DIS3L2: variants seen among roughly 807,000 people sequenced by gnomAD.
DIS3L2 encodes the protein DIS3 like 3'-5' exoribonuclease 2.
A neutral mutation model predicts 97.5 loss-of-function variants in DIS3L2; 34 were observed. The observed-to-expected ratio is 0.35, with a 90% CI of 0.27 to 0.46. DIS3L2 has a LOEUF of 0.46. Ranked by LOEUF, DIS3L2 falls within the 20% of genes least tolerant of loss-of-function variation. The pLI, the probability that DIS3L2 is intolerant of heterozygous loss-of-function variation, is 1.00. For missense variants in DIS3L2, 1,038 were observed against 1,146.0 expected, an observed-to-expected ratio of 0.91 and a Z score of 1.36; for synonymous variants, 435 against 445.2, an observed-to-expected ratio of 0.98 and a Z score of 0.29.
At chr2:231,985,972 AC>A (rs796530447) in intron 1 of DIS3L2, among the ~76,000 whole-genome samples, 15 of 152,320 alleles carry the variant, frequency 9.8e-5, no homozygotes, top group African/African-American at 3.6e-4. Flanking sequence ...TGCGTCTAGA[AC>A]AAGTCGGGTA....
intron 12 of DIS3L2, among the ~76,000 whole-genome samples, chr2:232,252,461 G>T (rs974987277): frequency 4.6e-5 from 7 of 152,296 alleles, no homozygotes; most frequent in African/African-American, 1.7e-4. Context: ...GGATCCTCTC[G>T]TGGGCTTCTA....
intron 1 of DIS3L2, among the ~76,000 whole-genome samples, chr2:231,981,425 C>A (rs1484623145): frequency 6.6e-6 from 1 of 151,070 alleles, no homozygotes; most frequent in East Asian, 1.9e-4. Flanking sequence ...TTTAGATGTT[C>A]TAGATAGTCA....
intron 6 of DIS3L2, among the ~76,000 whole-genome samples, chr2:232,117,647 A>G (rs911092352): frequency 6.6e-6 from 1 of 151,846 alleles, no homozygotes; most frequent in African/African-American, 2.4e-5. Context: ...TGCCTCTCCA[A>G]CCTTTGCTCT....
At chr2:232,197,694 C>T (rs767859694) in intron 9 of DIS3L2, among the ~76,000 whole-genome samples, 12 of 152,048 alleles carry the variant, frequency 7.9e-5, no homozygotes, top group Admixed American at 2.6e-4. Context: ...TCTGGCTGGG[C>T]GCGGTGGCTC....
At chr2:232,125,553 A>G (rs1698041057) in intron 6 of DIS3L2, among the ~76,000 whole-genome samples, 1 of 152,164 alleles carries the variant, frequency 6.6e-6, no homozygotes, top group African/African-American at 2.4e-5. Flanking sequence ...AACAGTACCC[A>G]CTTTACCCAT....
intron 10 of DIS3L2, among the ~76,000 whole-genome samples, chr2:232,223,220 A>G (rs1692551773): frequency 6.6e-6 from 1 of 152,212 alleles, no homozygotes; most frequent in African/African-American, 2.4e-5. Context: ...AAGCCAGTTA[A>G]GAAGTCCCAG....
chr2:232,100,754 TTATTA>T (rs1324293365), intron 6 of DIS3L2, among the ~76,000 whole-genome samples: 1 of 152,054 alleles, frequency 6.6e-6, no homozygotes, highest in African/African-American at 2.4e-5. Flanking sequence ...CCATTATAGT[TTATTA>T]TATTGTCTAT....
chr2:232,217,222 T>C (rs1287679404), intron 10 of DIS3L2, among the ~76,000 whole-genome samples: 1 of 152,188 alleles, frequency 6.6e-6, no homozygotes, highest in Non-Finnish European at 1.5e-5. Context: ...TGGCCATACC[T>C]GCTTCCACTG....
chr2:232,028,648 AT>A (rs1422383791), intron 4 of DIS3L2, among the ~76,000 whole-genome samples: 4 of 152,138 alleles, frequency 2.6e-5, no homozygotes, highest in African/African-American at 9.7e-5. Flanking sequence ...CAAACAGCCC[AT>A]TTTTCATTCC....
At position 232,334,486 on chromosome 2, in the gene DIS3L2, C is replaced by T. The variant is rs1335621515; in HGVS notation, c.2276C>T (p.Ala759Val). The change falls in exon 18 of 21, where the codon GCT (alanine) becomes GTT (valine). Residue 759 changes from alanine to valine, a missense_variant. Transcript: ENST00000325385. Reference sequence around the variant, plus strand: ...GAGCTCAGTACCAGTCTCTTCTTTGCTGTTCTGGTCAAGGTGAGCCCTCCA... The same window carrying T: ...GAGCTCAGTACCAGTCTCTTCTTTGTTGTTCTGGTCAAGGTGAGCCCTCCA... ...VQELSTSLFF[A>V]VLVKESGPLE... 2 of 1,613,904 alleles carry T rather than the reference C, an allele frequency of 1.2e-6. No homozygotes were observed. The highest frequency in any genetic ancestry group is 2.2e-5 in the South Asian group (2 of 91,078).
At chr2:232,106,929 A>G (rs912452272) in intron 6 of DIS3L2, among the ~76,000 whole-genome samples, 2 of 152,252 alleles carry the variant, frequency 1.3e-5, no homozygotes, top group Non-Finnish European at 2.9e-5. Context: ...GTGCAGTCCA[A>G]TAGAACTCAA....
chr2:232,023,300 A>G (rs1274692981), intron 3 of DIS3L2, among the ~76,000 whole-genome samples: 1 of 152,194 alleles, frequency 6.6e-6, no homozygotes, highest in Admixed American at 6.5e-5. Flanking sequence ...AGTGTTCATG[A>G]TATTGTAAAC....
chr2:232,105,071 GC>G (rs1372902727), intron 6 of DIS3L2, among the ~76,000 whole-genome samples: 1 of 152,078 alleles, frequency 6.6e-6, no homozygotes, highest in Non-Finnish European at 1.5e-5. Flanking sequence ...GCCTGCCCTG[GC>G]CCCCCAAAGT....
chr2:231,988,001 G>A (rs1333773985), intron 1 of DIS3L2, among the ~76,000 whole-genome samples: 1 of 152,070 alleles, frequency 6.6e-6, no homozygotes, highest in African/African-American at 2.4e-5. Flanking sequence ...GTGCCACCAC[G>A]CCCAGCTAGT....
At chr2:232,065,835 T>C (rs1695839078) in intron 5 of DIS3L2, among the ~76,000 whole-genome samples, 1 of 151,958 alleles carries the variant, frequency 6.6e-6, no homozygotes, top group Non-Finnish European at 1.5e-5. Flanking sequence ...TTAATTTCTT[T>C]TGACAGGATT....
intron 11 of DIS3L2, among the ~76,000 whole-genome samples, chr2:232,242,418 C>G (rs1693125955): frequency 6.6e-6 from 1 of 152,212 alleles, no homozygotes; most frequent in Non-Finnish European, 1.5e-5. Context: ...GCCCTGCAAC[C>G]TCTCCAGGTA....
At chr2:232,060,050 T>A (rs1695659956) in intron 5 of DIS3L2, among the ~76,000 whole-genome samples, 1 of 152,184 alleles carries the variant, frequency 6.6e-6, no homozygotes, top group African/African-American at 2.4e-5. Flanking sequence ...TTTGAACTCC[T>A]TATACATTCT....
intron 8 of DIS3L2, among the ~76,000 whole-genome samples, chr2:232,141,773 G>A (rs1690053495): frequency 6.6e-6 from 1 of 152,158 alleles, no homozygotes; most frequent in Non-Finnish European, 1.5e-5. Flanking sequence ...TGTGGTGGTT[G>A]TTAGCCAGTC....
At chr2:232,272,422 A>T (rs1694032282) in intron 13 of DIS3L2, among the ~76,000 whole-genome samples, 1 of 152,224 alleles carries the variant, frequency 6.6e-6, no homozygotes, top group Admixed American at 6.5e-5. Context: ...ACAGAATCGC[A>T]AACCCGATGG....
Sources: gnomAD v4.1 joint callset for allele counts (sites outside exome capture counted in the v4.1 genomes callset) on GRCh38, gnomAD v4.1.1 for gene constraint, MANE v1.5 for transcripts, NCBI Gene and HGNC (gene_info 2026-07-23, HGNC 2026-07-21) for gene names.